The following KIAA0319L variants were observed in gnomAD, a reference collection of about 807,000 sequenced individuals.
KIAA0319L encodes the protein dyslexia-associated protein KIAA0319-like protein.
KIAA0319L carries 55 observed loss-of-function variants against 120.1 expected under a neutral mutation model. The observed-to-expected ratio is 0.46, with a 90% CI of 0.37 to 0.57. The LOEUF is 0.57. Ranked by LOEUF, KIAA0319L falls within the 20% of genes least tolerant of loss-of-function variation. The pLI is 0.00. For synonymous variants in KIAA0319L, 398 were observed against 471.9 expected, an observed-to-expected ratio of 0.84 and a Z score of 2.03; for missense variants, 1,049 against 1,255.3, an observed-to-expected ratio of 0.84 and a Z score of 2.48.
At chr1:35,442,189 G>A (rs1181042387) in intron 19 of KIAA0319L, 57 bp downstream of exon 19, 8 of 1,339,678 alleles carry the variant, frequency 6.0e-6, no homozygotes, top group Non-Finnish European at 7.5e-6. Context: ...ATACCTCTCT[G>A]AGGAACGAAT....
chr1:35,448,297 C>T lies in KIAA0319L; in HGVS notation c.2389G>A (p.Asp797Asn), dbSNP rs1422235606. 3 of 1,614,050 alleles carry T rather than the reference C, an allele frequency of 1.9e-6. No homozygotes were observed. The highest frequency in any genetic ancestry group is 8.5e-7 in the Non-Finnish European group (1 of 1,179,966). ...TCAGTTAGCTGACTGACGTTGATAT[C>T]CAAGATGATCTCCACCAGGTTGTTT... ...RKNNLVEIIL[D>N]INVSQLTERL... Residue 797 changes from aspartate to asparagine, a missense_variant, in exon 16 of 21, where the codon GAT (aspartate) becomes AAT (asparagine). Transcript: ENST00000325722.
intron 2 of KIAA0319L, among the ~76,000 whole-genome samples, chr1:35,544,228 G>C (rs1417452993): frequency 6.6e-6 from 1 of 152,026 alleles, no homozygotes; most frequent in African/African-American, 2.4e-5. Context: ...AATTAGGCGA[G>C]CATGGCAGCA....
chr1:35,438,027 C>A (rs998566914), intron 20 of KIAA0319L, among the ~76,000 whole-genome samples: 1 of 152,202 alleles, frequency 6.6e-6, no homozygotes, highest in Non-Finnish European at 1.5e-5. Flanking sequence ...GACCAAAAAT[C>A]TCCTTGCTGG....
At chr1:35,477,069 G>A (rs1243714889) in intron 4 of KIAA0319L, among the ~76,000 whole-genome samples, 3 of 152,044 alleles carry the variant, frequency 2.0e-5, no homozygotes, top group South Asian at 2.1e-4. Context: ...CAACCAAAGC[G>A]AAAATGGACA....
At chr1:35,436,117 G>A (rs552653131) in intron 20 of KIAA0319L, among the ~76,000 whole-genome samples, 1 of 152,146 alleles carries the variant, frequency 6.6e-6, no homozygotes, top group Non-Finnish European at 1.5e-5. Context: ...CTTCTCCGGG[G>A]AGAAGGATCC....
chr1:35,455,513 A>G (rs1407772212), intron 10 of KIAA0319L, among the ~76,000 whole-genome samples: 2 of 151,724 alleles, frequency 1.3e-5, no homozygotes, highest in Non-Finnish European at 2.9e-5. Context: ...GACTCTCTGG[A>G]GTCATCCAGA....
chr1:35,451,841 C>G (rs911405869), intron 12 of KIAA0319L, 65 bp from the exon 13 acceptor site: 38 of 1,523,572 alleles, frequency 2.5e-5, no homozygotes, highest in Non-Finnish European at 3.2e-5. Flanking sequence ...CCTAACTTAG[C>G]AGGAGGAGAC....
At chr1:35,541,323 C>G (rs959785402) in intron 2 of KIAA0319L, among the ~76,000 whole-genome samples, 9 of 147,530 alleles carry the variant, frequency 6.1e-5, no homozygotes, top group Admixed American at 1.4e-4. Flanking sequence ...ACAAACTCTG[C>G]AAGCTACTTC....
chr1:35,466,467 C>A, intron 7 of KIAA0319L, 141 bp downstream of exon 7: 1 of 624,186 alleles, frequency 1.6e-6, no homozygotes. Context: ...GCTATTGTAA[C>A]TATTCACCAC....
At chr1:35,496,378 C>T (rs1410554568) in intron 3 of KIAA0319L, among the ~76,000 whole-genome samples, 1 of 152,106 alleles carries the variant, frequency 6.6e-6, no homozygotes, top group Non-Finnish European at 1.5e-5. Context: ...TGAGATGGTG[C>T]CAGTGCACTC....
chr1:35,507,113 C>G lies in KIAA0319L; in HGVS notation c.165G>C (p.Gln55His), dbSNP rs41307898. 3.9e-6 allele frequency: 6 copies of G among 1,530,714 alleles called. No homozygotes were observed. Among genetic ancestry groups the G allele is most frequent in the South Asian group, 1.3e-5 (1 of 76,666 alleles). The allele number at this position is 1,530,714 out of a possible 1,614,324, so 94.8% of individuals were successfully genotyped here. The change falls in exon 3 of 21, where the codon CAG (glutamine) becomes CAC (histidine). Residue 55 changes from glutamine (Q) to histidine (H), a missense_variant. By Grantham distance (24) the Gln-to-His change is conservative. Coordinates refer to ENST00000325722, the MANE Select transcript of KIAA0319L (RefSeq NM_024874.5). ...CAACTCCAAATTGTGTCTTCCCCTG[C>G]TGGCACCTGCTCTCACTGGCATCTA... ...LSTDASESRCQQGKTQFGVGL... is the reference protein window; with the variant it reads ...LSTDASESRCHQGKTQFGVGL...
At chr1:35,461,485 C>A (rs568513775) in intron 8 of KIAA0319L, among the ~76,000 whole-genome samples, 1 of 152,162 alleles carries the variant, frequency 6.6e-6, no homozygotes, top group Non-Finnish European at 1.5e-5. Flanking sequence ...AAGAAAAATT[C>A]TCCAACATAC....
intron 8 of KIAA0319L, among the ~76,000 whole-genome samples, chr1:35,462,238 G>A: frequency 6.6e-6 from 1 of 152,110 alleles, no homozygotes; most frequent in Non-Finnish European, 1.5e-5. Context: ...AAGCTCCTCA[G>A]TCAGGCCTCC....
chr1:35,455,053 A>G (rs1191173626), intron 10 of KIAA0319L, among the ~76,000 whole-genome samples: 1 of 152,230 alleles, frequency 6.6e-6, no homozygotes, highest in African/African-American at 2.4e-5. Context: ...TGAGAAATAT[A>G]GAATCTTGAG....
At chr1:35,446,932 C>A (rs1395751562) in intron 16 of KIAA0319L, among the ~76,000 whole-genome samples, 3 of 152,134 alleles carry the variant, frequency 2.0e-5, no homozygotes, top group Non-Finnish European at 4.4e-5. Context: ...CAGTAAGACA[C>A]CCCAAATTCA....
At chr1:35,478,856 C>G (rs1018849627) in intron 4 of KIAA0319L, 110 bp downstream of exon 4, 10 of 1,311,478 alleles carry the variant, frequency 7.6e-6, no homozygotes, top group Non-Finnish European at 1.0e-5. Context: ...TATTTTTTCT[C>G]TAACACACAG....
At chr1:35,552,838 G>A (rs1420776565) in intron 2 of KIAA0319L, among the ~76,000 whole-genome samples, 6 of 152,200 alleles carry the variant, frequency 3.9e-5, no homozygotes, top group Non-Finnish European at 8.8e-5. Context: ...TTGGGAGGCC[G>A]AGGCATGCAG....
At chr1:35,443,207 A>G (rs1468515772) in intron 17 of KIAA0319L, 179 bp from the exon 18 acceptor site, 1 of 622,298 alleles carries the variant, frequency 1.6e-6, no homozygotes, top group African/African-American at 1.8e-5. Context: ...AAACTGGAGC[A>G]GTCAGGAGGC....
At chr1:35,531,006 T>C (rs1044967558) in intron 2 of KIAA0319L, among the ~76,000 whole-genome samples, 5 of 152,108 alleles carry the variant, frequency 3.3e-5, no homozygotes, top group African/African-American at 1.2e-4. Flanking sequence ...CAGCCCTACT[T>C]GTGGGAGACA....
Sources: allele counts gnomAD v4.1 joint callset (sites outside exome capture counted in the v4.1 genomes callset), GRCh38; gene constraint gnomAD v4.1.1; transcripts MANE v1.5; gene names NCBI Gene and HGNC (gene_info 2026-07-23, HGNC 2026-07-21).